RIMS2: variants seen among roughly 807,000 people sequenced by gnomAD.
The protein encoded by RIMS2 is regulating synaptic membrane exocytosis 2.
RIMS2 carries 59 observed loss-of-function variants against 174.4 expected under a neutral mutation model. The observed-to-expected ratio is 0.34, with a 90% confidence interval of 0.27 to 0.42. The LOEUF is 0.42. RIMS2 is among the 10% of genes least tolerant of loss of function. The pLI is 1.00. For missense variants in RIMS2, 1,620 were observed against 1,666.3 expected (o/e 0.97, Z 0.48); for synonymous variants, 606 against 572.5 (o/e 1.06, Z -0.84).
At chr8:103,604,088 A>G (rs1336950306) in intron 1 of RIMS2, among the ~76,000 whole-genome samples, 19 of 149,098 alleles carry the variant, frequency 1.3e-4, no homozygotes, top group African/African-American at 4.2e-4. Context: ...CTATGTCCTG[A>G]ATGGTAATGC....
chr8:103,954,866 C>A (rs55682817), intron 14 of RIMS2, among the ~76,000 whole-genome samples: 19,289 of 151,746 alleles, frequency 0.13, 1,688 homozygotes, highest in Non-Finnish European at 0.19. Context: ...GACTAATAAA[C>A]AAGAAAATAG....
intron 19 of RIMS2, among the ~76,000 whole-genome samples, chr8:104,110,415 G>A (rs982516827): frequency 1.3e-5 from 2 of 152,036 alleles, no homozygotes; most frequent in Non-Finnish European, 2.9e-5. Context: ...CCATTAAAAA[G>A]TCTTTTTCTG....
chr8:103,959,935 T>A (rs1212608606), intron 14 of RIMS2, among the ~76,000 whole-genome samples: 1 of 151,836 alleles, frequency 6.6e-6, no homozygotes, highest in African/African-American at 2.4e-5. Flanking sequence ...AACATCACAA[T>A]TAAAAGAACT....
chr8:103,819,738 T>C (rs988634458), intron 3 of RIMS2: 15 of 766,958 alleles, frequency 2.0e-5, no homozygotes, highest in Non-Finnish European at 2.9e-5. Flanking sequence ...AAAGGTGTTA[T>C]CTGTTTACTG....
At chr8:103,562,933 C>T (rs1027829405) in intron 1 of RIMS2, among the ~76,000 whole-genome samples, 1 of 152,172 alleles carries the variant, frequency 6.6e-6, no homozygotes, top group African/African-American at 2.4e-5. Flanking sequence ...TCTGAAGCAA[C>T]AGCCTGAGCC....
intron 11 of RIMS2, among the ~76,000 whole-genome samples, chr8:103,929,013 C>T (rs1269796544): frequency 6.6e-6 from 1 of 151,338 alleles, no homozygotes; most frequent in African/African-American, 2.4e-5. Context: ...AATGCAAGTC[C>T]TATAATATAA....
intron 3 of RIMS2, among the ~76,000 whole-genome samples, chr8:103,816,267 A>G (rs1235823370): frequency 6.6e-6 from 1 of 152,210 alleles, no homozygotes. Context: ...AATAAATAAA[A>G]TAAACACTGT....
intron 19 of RIMS2, among the ~76,000 whole-genome samples, chr8:104,100,647 A>C (rs2097853499): frequency 6.6e-6 from 1 of 151,576 alleles, no homozygotes; most frequent in South Asian, 2.1e-4. Context: ...GTAAAACTTT[A>C]AGATTTTATT....
chr8:104,095,470 GA>G (rs573708178), intron 19 of RIMS2, among the ~76,000 whole-genome samples: 1 of 152,142 alleles, frequency 6.6e-6, no homozygotes, highest in African/African-American at 2.4e-5. Flanking sequence ...GAAGGGCAGG[GA>G]AAAAATACAG....
chr8:104,222,683 C>T (rs1318614658), intron 19 of RIMS2, among the ~76,000 whole-genome samples: 1 of 152,116 alleles, frequency 6.6e-6, no homozygotes, highest in African/African-American at 2.4e-5. Flanking sequence ...ACTACTTTGC[C>T]CTAGTATGTT....
intron 19 of RIMS2, among the ~76,000 whole-genome samples, chr8:104,096,051 T>C (rs2097757279): frequency 6.6e-6 from 1 of 152,314 alleles, no homozygotes; most frequent in Middle Eastern, 3.4e-3. Context: ...GGTATTTAAC[T>C]TTTGATAATT....
At chr8:104,055,431 G>A (rs2096852623) in intron 19 of RIMS2, among the ~76,000 whole-genome samples, 1 of 151,998 alleles carries the variant, frequency 6.6e-6, no homozygotes, top group South Asian at 2.1e-4. Context: ...TCATGTAAAA[G>A]GTAGAATGTT....
chr8:104,028,040 C>G (rs1402146921), intron 19 of RIMS2, among the ~76,000 whole-genome samples: 1 of 152,100 alleles, frequency 6.6e-6, no homozygotes, highest in Non-Finnish European at 1.5e-5. Flanking sequence ...AACTGATTCT[C>G]ACACCTCAGC....
At chr8:103,605,967 A>G (rs1046790553) in intron 1 of RIMS2, among the ~76,000 whole-genome samples, 2 of 145,834 alleles carry the variant, frequency 1.4e-5, no homozygotes, top group Non-Finnish European at 3.0e-5. Context: ...GGATTAATTA[A>G]TTTTTTGAAG....
chr8:103,656,272 A>G lies in RIMS2; in HGVS notation c.177-40814A>G, dbSNP rs746429186. On this transcript the variant is annotated intron_variant, in intron 1 of 23. Coordinates refer to ENST00000504942, the Ensembl canonical transcript of RIMS2. ...TAACAGGTTGGAGGTATAAACTAAA[A>G]CTTACATTTTGAACTTTTAAAATTT... 2.6e-5 allele frequency among the ~76,000 whole-genome samples: 4 copies of G among 152,130 alleles called. No individual in the cohort carries two copies. In the South Asian group the frequency reaches 8.3e-4, roughly 32 times the overall value.
intron 6 of RIMS2, among the ~76,000 whole-genome samples, chr8:103,912,700 G>C (rs190079202): frequency 6.6e-6 from 1 of 152,058 alleles, no homozygotes; most frequent in Non-Finnish European, 1.5e-5. Context: ...ATTATGCTGG[G>C]AGATTAAATA....
intron 1 of RIMS2, among the ~76,000 whole-genome samples, chr8:103,600,392 C>T (rs904234024): frequency 6.6e-6 from 1 of 152,132 alleles, no homozygotes; most frequent in African/African-American, 2.4e-5. Context: ...GCCTCAGCAT[C>T]CTGAGTAGCT....
At chr8:103,622,318 C>A (rs1016891410) in intron 1 of RIMS2, among the ~76,000 whole-genome samples, 1 of 151,612 alleles carries the variant, frequency 6.6e-6, no homozygotes, top group Non-Finnish European at 1.5e-5. Context: ...GTCATATAAA[C>A]CTTGAGTCCA....
At chr8:103,571,678 AAAG>A (rs1169484077) in intron 1 of RIMS2, among the ~76,000 whole-genome samples, 1 of 152,206 alleles carries the variant, frequency 6.6e-6, no homozygotes, top group Non-Finnish European at 1.5e-5. Flanking sequence ...TGTGAGTAAA[AAAG>A]AACTCACCTT....
Sources: allele counts gnomAD v4.1 joint callset (sites outside exome capture counted in the v4.1 genomes callset), GRCh38; gene constraint gnomAD v4.1.1; transcripts MANE v1.5; gene names NCBI Gene and HGNC (gene_info 2026-07-23, HGNC 2026-07-21).